Variants in INO80 observed in about 807,000 individuals in gnomAD.
The protein encoded by INO80 is chromatin-remodeling ATPase INO80.
INO80 carries 20 observed loss-of-function variants against 203.4 expected under a neutral mutation model. The observed-to-expected ratio is 0.10, with a 90% CI of 0.07 to 0.14. INO80 has a LOEUF of 0.14. Ranked by LOEUF, INO80 falls within the 10% of genes least tolerant of loss-of-function variation. INO80 has a pLI of 1.00. For synonymous variants in INO80, 726 were observed against 685.2 expected (o/e 1.06, Z -0.93); for missense variants, 1,419 against 1,914.4 (o/e 0.74, Z 4.83).
intron 19 of INO80, among the ~76,000 whole-genome samples, chr15:41,052,249 C>T (rs139883768): frequency 1.3e-5 from 2 of 152,168 alleles, no homozygotes; most frequent in East Asian, 3.9e-4. Context: ...TCAGTTGTAT[C>T]TATGTGACAT....
intron 31 of INO80, among the ~76,000 whole-genome samples, chr15:40,986,192 T>C (rs942681693): frequency 2.0e-5 from 3 of 152,196 alleles, no homozygotes; most frequent in Admixed American, 2.0e-4. Context: ...AAAAACATTT[T>C]TCTGGGCAGA....
intron 24 of INO80, among the ~76,000 whole-genome samples, chr15:41,036,153 C>G (rs1343665612): frequency 1.5e-5 from 1 of 68,224 alleles, no homozygotes; most frequent in Non-Finnish European, 2.5e-5. Flanking sequence ...GCAACTCTCT[C>G]TCGAAAAAAA....
chr15:41,086,184 G>C (rs1222384667), intron 6 of INO80, among the ~76,000 whole-genome samples: 1 of 151,990 alleles, frequency 6.6e-6, no homozygotes, highest in African/African-American at 2.4e-5. Flanking sequence ...GGTGGATAAA[G>C]AAAAATAAAA....
At chr15:41,022,596 G>C (rs778796900) in intron 25 of INO80, among the ~76,000 whole-genome samples, 3 of 152,162 alleles carry the variant, frequency 2.0e-5, no homozygotes, top group Non-Finnish European at 4.4e-5. Flanking sequence ...CAACGTGACA[G>C]AAAGAGCATC....
Position 41,072,154 on chromosome 15 carries a change from T to C in INO80, c.1396-96A>G, listed in dbSNP as rs557691551. On this transcript the variant is annotated intron_variant, in intron 11 of 35. Transcript: ENST00000648947. ...AGATAACAATATATCTACCCTGTGC[T>C]AAGAAAAATAATTGGAACAAAATTT... 83 of 756,404 alleles carry C rather than the reference T, an allele frequency of 1.1e-4. 1 individual carries two copies. The South Asian group carries it at 1.6e-3, about 15-fold the overall frequency. The allele number at this position is 756,404 out of a possible 1,614,324, so 46.9% of individuals were successfully genotyped here.
At chr15:41,050,458 T>C (rs145006386) in intron 19 of INO80, among the ~76,000 whole-genome samples, 1 of 152,350 alleles carries the variant, frequency 6.6e-6, no homozygotes, top group Non-Finnish European at 1.5e-5. Context: ...AGCAATGGCA[T>C]ATGTGATGTG....
chr15:41,051,179 T>G (rs1478610584), intron 19 of INO80, among the ~76,000 whole-genome samples: 3 of 146,942 alleles, frequency 2.0e-5, no homozygotes, highest in Non-Finnish European at 4.5e-5. Context: ...CCTTACTGTC[T>G]GAGTTTCTCA....
At chr15:41,093,424 C>CA (rs1333588338) in intron 4 of INO80, among the ~76,000 whole-genome samples, 4 of 148,688 alleles carry the variant, frequency 2.7e-5, no homozygotes, top group African/African-American at 5.0e-5. Context: ...GACTCCGTCT[C>CA]AAAAAAAAGA....
intron 7 of INO80, among the ~76,000 whole-genome samples, chr15:41,082,665 T>C (rs1427455257): frequency 6.6e-6 from 1 of 150,668 alleles, no homozygotes; most frequent in East Asian, 2.0e-4. Context: ...GATCATGCCA[T>C]TGTACTCCAA....
Position 41,095,840 on chromosome 15 carries a change from T to G in INO80, c.232A>C (p.Asn78His). Residue 78 changes from asparagine (N) to histidine (H), a missense_variant, in exon 3 of 36, where the codon AAT (asparagine) becomes CAT (histidine). Around this residue, in one of 9 missense-constraint regions of INO80, gnomAD observed 323 missense variants for 325.4 expected, o/e 0.99. Coordinates refer to ENST00000648947, the MANE Select transcript of INO80 (RefSeq NM_017553.3). ...PLIQVKEEPP[N>H]SLLGETSGAG... is the part of the protein sequence containing the mutation. Reference sequence around the variant, plus strand: ...CCAGAAGTTTCACCAAGCAATGAATTTGGAGGTTCTTCCTTAACTTGTATT... The same window carrying G: ...CCAGAAGTTTCACCAAGCAATGAATGTGGAGGTTCTTCCTTAACTTGTATT... 6.2e-7 allele frequency: 1 copy of G among 1,614,114 alleles called. No homozygotes were observed. The highest frequency in any genetic ancestry group is 8.5e-7 in the Non-Finnish European group (1 of 1,179,970).
chr15:41,023,094 C>A, intron 25 of INO80: 2 of 319,118 alleles, frequency 6.3e-6, no homozygotes, highest in South Asian at 4.5e-5. Flanking sequence ...GGGTGACAGA[C>A]TGTCTCAAAA....
At chr15:41,089,820 T>A (rs555891363) in intron 5 of INO80, among the ~76,000 whole-genome samples, 1 of 151,182 alleles carries the variant, frequency 6.6e-6, no homozygotes, top group South Asian at 2.1e-4. Context: ...AAAACTATCA[T>A]CATTTTAATG....
At chr15:41,023,182 A>G (rs2044320560) in intron 25 of INO80, 1 of 432,866 alleles carries the variant, frequency 2.3e-6, no homozygotes, top group Non-Finnish European at 4.6e-6. Flanking sequence ...CTAATACATG[A>G]GCATGGGCAA....
At position 40,995,908 on chromosome 15, in the gene INO80, G is replaced by A. The variant is rs1334380961; in HGVS notation, c.3570+1621C>T. ...GTATGACAGATGCTGATGATGTACA[G>A]CTACCCAGCAATGCCTCCAGTGGCC... On this transcript the variant is annotated intron_variant, in intron 29 of 35. Coordinates refer to ENST00000648947, the MANE Select transcript of INO80 (RefSeq NM_017553.3). 3.9e-5 allele frequency among the ~76,000 whole-genome samples: 6 copies of A among 152,180 alleles called. No homozygotes were observed. The East Asian group carries it at 9.6e-4, about 24-fold the overall frequency.
At position 41,085,579 on chromosome 15, in the gene INO80, C is replaced by T. The variant is rs748584268; in HGVS notation, c.663G>A (p.Lys221=). The change falls in exon 7 of 36, where the codon AAG becomes AAA. Residue 221 remains lysine (K), a synonymous_variant. Coordinates refer to ENST00000648947, the MANE Select transcript of INO80 (RefSeq NM_017553.3). ...KFKEEKKLKA[K]LKKVKKKRRR... ...GTCTTTTTTTCTTCACTTTTTTCAA[C>T]TTAGCTGCAAAAGAAACAGATGCAA... is the stretch of plus-strand genomic sequence containing the variant. 3.1e-6 allele frequency: 5 copies of T among 1,613,458 alleles called. No homozygotes were observed. The African/African-American group carries it at 4.0e-5, about 13-fold the overall frequency.
At chr15:41,025,570 C>A (rs1390568116) in intron 25 of INO80, among the ~76,000 whole-genome samples, 1 of 152,178 alleles carries the variant, frequency 6.6e-6, no homozygotes, top group East Asian at 1.9e-4. Flanking sequence ...CAAAAATGAG[C>A]TGGGCGTGAT....
chr15:41,082,757 A>G (rs952855730), intron 7 of INO80, among the ~76,000 whole-genome samples: 2 of 152,124 alleles, frequency 1.3e-5, no homozygotes, highest in African/African-American at 2.4e-5. Context: ...GGTGGCACAC[A>G]CTTATAGCCC....
intron 27 of INO80, among the ~76,000 whole-genome samples, chr15:41,008,394 A>G (rs2044082759): frequency 1.3e-5 from 2 of 152,192 alleles, no homozygotes; most frequent in Non-Finnish European, 1.5e-5. Context: ...AACTCATAAA[A>G]GTAGAGAGTA....
At position 41,026,760 on chromosome 15, in the gene INO80, A is replaced by T. The variant is rs191049824; in HGVS notation, c.3048+836T>A. 1.1e-3 allele frequency among the ~76,000 whole-genome samples: 163 copies of T among 152,330 alleles called. No homozygotes were observed. The Middle Eastern group carries it at 0.014, about 13-fold the overall frequency. ...AATTCATTCTTGGCTCTAACCACAG[A>T]ACCTGGCCACAGTTCGATTATTTCC... On this transcript the variant is annotated intron_variant, in intron 25 of 35. Transcript: ENST00000648947.
Sources: gnomAD v4.1 joint callset for allele counts (sites outside exome capture counted in the v4.1 genomes callset) on GRCh38, gnomAD v4.1.1 for gene constraint, gnomAD v4.1.1 regional missense constraint, MANE v1.5 for transcripts, NCBI Gene and HGNC (gene_info 2026-07-23, HGNC 2026-07-21) for gene names.